The following USP34 variants were observed in gnomAD, a reference collection of about 807,000 sequenced individuals.
The protein encoded by USP34 is ubiquitin carboxyl-terminal hydrolase 34.
USP34 carries 70 observed loss-of-function variants against 460.3 expected under a neutral mutation model. The ratio of observed to expected loss-of-function variants is 0.15; its 90% CI spans 0.13 to 0.19. USP34 has a LOEUF of 0.19. Among genes scored for constraint, USP34 ranks in the 10% least tolerant of loss-of-function variants. The pLI is 1.00. For missense variants in USP34, 3,985 were observed against 4,236.2 expected (o/e 0.94, Z 1.65); for synonymous variants, 1,647 against 1,405.3 (o/e 1.17, Z -3.85).
At chr2:61,284,264 T>TTA (rs1356608688) in intron 35 of USP34, among the ~76,000 whole-genome samples, 5 of 152,138 alleles carry the variant, frequency 3.3e-5, no homozygotes, top group Non-Finnish European at 4.4e-5. Flanking sequence ...ACTTTAAGAC[T>TTA]CCTTTAAAAA....
chr2:61,242,474 C>CAT (rs2103860423), intron 51 of USP34, among the ~76,000 whole-genome samples: 1 of 150,974 alleles, frequency 6.6e-6, no homozygotes, highest in South Asian at 2.1e-4. Flanking sequence ...CACACACACA[C>CAT]ACACACACAC....
intron 75 of USP34, 82 bp from the exon 76 acceptor site, chr2:61,193,062 C>T: frequency 9.1e-7 from 1 of 1,096,536 alleles, no homozygotes; most frequent in Non-Finnish European, 1.3e-6. Context: ...TACAATATTA[C>T]AGCTATTTCT....
chr2:61,350,709 A>T lies in USP34; in HGVS notation c.1252-16T>A. On this transcript the variant is annotated splice_polypyrimidine_tract_variant and intron_variant, in intron 10 of 79. Transcript: ENST00000398571. ...AATGTTTCAACTAGAAAATCAAGTT[A>T]GAGAGAATGGTCAAAAATAATTGCC... 1 of 1,603,850 alleles carries T rather than the reference A, an allele frequency of 6.2e-7. No individual in the cohort carries two copies.
At chr2:61,347,129 G>C (rs763936625) in intron 15 of USP34, among the ~76,000 whole-genome samples, 1 of 152,040 alleles carries the variant, frequency 6.6e-6, no homozygotes, top group African/African-American at 2.4e-5. Context: ...AACAGAGCGA[G>C]ACCCTGTCTC....
intron 16 of USP34, among the ~76,000 whole-genome samples, chr2:61,342,487 T>G (rs926350636): frequency 6.6e-6 from 1 of 151,500 alleles, no homozygotes; most frequent in Non-Finnish European, 1.5e-5. Context: ...TTTTTTTGTA[T>G]TTTTAGTAGG....
intron 30 of USP34, 71 bp downstream of exon 30, chr2:61,296,729 C>A: frequency 1.3e-6 from 2 of 1,508,002 alleles, no homozygotes; most frequent in Non-Finnish European, 8.9e-7. Flanking sequence ...AACAGGCAAT[C>A]TTCTACACTG....
chr2:61,262,104 AAAAAAAAAAAAAAT>A (rs1305296694), intron 43 of USP34, among the ~76,000 whole-genome samples: 164 of 119,858 alleles, frequency 1.4e-3, no homozygotes, highest in African/African-American at 4.1e-3. Context: ...AAAAAAAAAA[AAAAAAAAAAAAAAT>A]ATATATATAT....
At position 61,375,688 on chromosome 2, in the gene USP34, G is replaced by C. The variant is rs189130306; in HGVS notation, c.1076+2675C>G. On this transcript the variant is annotated intron_variant, in intron 8 of 79. Coordinates refer to ENST00000398571, the MANE Select transcript of USP34 (RefSeq NM_014709.4). ...GGAGGCTGAAGCAGGAGAATGGCGTGAATCTGGGAGGCGGAGCTTGCAGTG... is the reference window on the plus strand; with the variant it reads ...GGAGGCTGAAGCAGGAGAATGGCGTCAATCTGGGAGGCGGAGCTTGCAGTG... Among the ~76,000 whole-genome samples, 7 of 147,078 alleles carry C rather than the reference G, an allele frequency of 4.8e-5. No individual in the cohort carries two copies. The East Asian group carries it at 1.4e-3, about 30-fold the overall frequency.
chr2:61,206,611 C>G, intron 71 of USP34, 149 bp downstream of exon 71: 1 of 1,038,888 alleles, frequency 9.6e-7, no homozygotes, highest in African/African-American at 1.6e-5. Flanking sequence ...GAGTTCATGA[C>G]AAACATTTCC....
intron 41 of USP34, chr2:61,277,803 G>A (rs1249518884): frequency 5.6e-6 from 1 of 179,224 alleles, no homozygotes; most frequent in African/African-American, 2.4e-5. Context: ...GACCTGGTGG[G>A]AGATGACTGA....
intron 34 of USP34, among the ~76,000 whole-genome samples, chr2:61,288,111 C>T (rs146101605): frequency 7.9e-5 from 12 of 152,296 alleles, no homozygotes; most frequent in African/African-American, 2.9e-4. Flanking sequence ...ACTCCTAGCA[C>T]CAGCTTTATC....
intron 16 of USP34, 145 bp downstream of exon 16, chr2:61,343,670 G>GAAA: frequency 3.4e-6 from 2 of 596,148 alleles, no homozygotes; most frequent in Non-Finnish European, 5.3e-6. Flanking sequence ...TCCCTTGGGG[G>GAAA]AAAAAAAAAA....
intron 16 of USP34, among the ~76,000 whole-genome samples, chr2:61,342,734 A>G (rs1470093832): frequency 1.3e-5 from 2 of 152,238 alleles, no homozygotes; most frequent in African/African-American, 4.8e-5. Context: ...ATTGTAAAAC[A>G]AGGTAGATTT....
intron 2 of USP34, among the ~76,000 whole-genome samples, chr2:61,414,995 G>A (rs1378236375): frequency 6.6e-6 from 1 of 152,188 alleles, no homozygotes; most frequent in Non-Finnish European, 1.5e-5. Flanking sequence ...CCAATTAGAG[G>A]TAATTTCAAT....
chr2:61,378,913 G>GAAAAAAA lies in USP34; in HGVS notation c.1015-496_1015-490dup, dbSNP rs34463913. Among the ~76,000 whole-genome samples the GAAAAAAA allele has an allele frequency of 9.3e-3, 539 of 57,896 alleles. 20 individuals are homozygous for GAAAAAAA. The highest frequency in any genetic ancestry group is 0.018 in the African/African-American group (248 of 13,760). 38.0% of individuals were successfully genotyped at this position (57,896 alleles called of 152,430 possible). A position where few individuals can be genotyped will look rare whatever the true frequency, so the allele number is the denominator to read the frequency against. ...GAGTGAGAGTCCATCTCAAAAAAAC[G>GAAAAAAA]AAAAAAAAAAAAAAAAAAAAAAAAC... On this transcript the variant is annotated intron_variant, in intron 7 of 79. Transcript: ENST00000398571.
intron 1 of USP34, among the ~76,000 whole-genome samples, chr2:61,443,744 G>A (rs1325291326): frequency 1.3e-5 from 2 of 152,152 alleles, no homozygotes; most frequent in African/African-American, 2.4e-5. Flanking sequence ...CACTGTACTG[G>A]TGGATATGTT....
intron 5 of USP34, among the ~76,000 whole-genome samples, chr2:61,384,241 T>C (rs2103872635): frequency 6.6e-6 from 1 of 152,302 alleles, no homozygotes; most frequent in Admixed American, 6.5e-5. Flanking sequence ...TACACAATAT[T>C]TTAACATTTA....
intron 65 of USP34, among the ~76,000 whole-genome samples, chr2:61,222,380 C>T (rs1687612280): frequency 6.6e-6 from 1 of 151,994 alleles, no homozygotes; most frequent in African/African-American, 2.4e-5. Context: ...AGCCTGGCAT[C>T]CAGGTGGCAC....
At chr2:61,308,674 T>C (rs934217839) in intron 27 of USP34, among the ~76,000 whole-genome samples, 23 of 152,274 alleles carry the variant, frequency 1.5e-4, no homozygotes, top group African/African-American at 4.6e-4. Context: ...ATCACAATCA[T>C]TGATAAAAGA....
Sources: gnomAD v4.1 joint callset for allele counts (sites outside exome capture counted in the v4.1 genomes callset) on GRCh38, gnomAD v4.1.1 for gene constraint, MANE v1.5 for transcripts, NCBI Gene and HGNC (gene_info 2026-07-23, HGNC 2026-07-21) for gene names.